FASN: variants seen among roughly 807,000 people sequenced by gnomAD.
The protein encoded by FASN is 3-hydroxyacyl-[acyl-carrier-protein] dehydratase.
Under a neutral mutation model 250.0 loss-of-function variants are expected in FASN, and 50 were observed. The observed-to-expected ratio is 0.20, with a 90% CI of 0.16 to 0.25. The LOEUF (loss-of-function observed/expected upper bound fraction) is 0.25. Among genes scored for constraint, FASN ranks in the 10% least tolerant of loss-of-function variants. FASN has a pLI of 1.00. For synonymous variants in FASN, 1,909 were observed against 1,584.0 expected, an observed-to-expected ratio of 1.21 and a Z score of -4.87; for missense variants, 3,031 against 3,498.5, an observed-to-expected ratio of 0.87 and a Z score of 3.37.
Position 82,093,385 on chromosome 17 carries a change from G to A in FASN, c.489C>T (p.Ser163=), listed in dbSNP as rs1381916178. 1.9e-6 allele frequency: 3 copies of A among 1,604,304 alleles called. No homozygotes were observed. The highest frequency in any genetic ancestry group is 1.1e-5 in the South Asian group (1 of 89,358). The change falls in exon 5 of 43, where the codon TCC becomes TCT. Residue 163 remains serine (S), a synonymous_variant. Coordinates refer to ENST00000306749, the MANE Select transcript of FASN (RefSeq NM_004104.5). ...AGGCGTTCTGCAGGGCCATCAGGCTGGAGGAGCAGGCTGTGTCCAGTGCGA... is the reference window on the plus strand; with the variant it reads ...AGGCGTTCTGCAGGGCCATCAGGCTAGAGGAGCAGGCTGTGTCCAGTGCGA... ...PSIALDTACS[S]SLMALQNAYQ...
At chr17:82,081,016 G>T in intron 38 of FASN, 94 bp from the exon 39 acceptor site, 1 of 1,393,608 alleles carries the variant, frequency 7.2e-7, no homozygotes, top group Non-Finnish European at 9.9e-7. Context: ...TCCCCACGGT[G>T]CTACGTCAGG....
chr17:82,085,552 T>G lies in FASN; in HGVS notation c.4052A>C (p.His1351Pro), dbSNP rs1598576993. 1 of 1,594,730 alleles carries G rather than the reference T, an allele frequency of 6.3e-7. No homozygotes were observed. The highest frequency in any genetic ancestry group is 8.5e-7 in the Non-Finnish European group (1 of 1,171,414). ...FLLLHTLLRG[H>P]PLGDIVAFLT... ...GAAGGCCACGATGTCCCCGAGGGGG[T>G]GCCCCCGGAGCAGTGTGTGCAGGAG... The change falls in exon 23 of 43, where the codon CAC (histidine) becomes CCC (proline). Residue 1351 changes from histidine to proline, a missense_variant. Physicochemically the swap from His to Pro is moderately conservative, Grantham distance 77 (BLOSUM62 -2). Coordinates refer to ENST00000306749, the MANE Select transcript of FASN (RefSeq NM_004104.5).
At chr17:82,097,966 C>T (rs1164924772) in intron 1 of FASN, among the ~76,000 whole-genome samples, 155 bp downstream of exon 1, 1 of 152,034 alleles carries the variant, frequency 6.6e-6, no homozygotes, top group Non-Finnish European at 1.5e-5. Context: ...GGCACGAACA[C>T]CGAGACCCGG....
rs2034213860 is a variant in FASN, at chr17:82,091,744, G to A, written c.1030-60C>T. ...ACTCCCTCTACCACTGCCTGAGCTG[G>A]GGGCAGGCACCTCCCCGAGACTCTC... is the stretch of plus-strand genomic sequence containing the variant. On this transcript the variant is annotated intron_variant, in intron 8 of 42. Transcript: ENST00000306749. The A allele has an allele frequency of 7.6e-6, 11 of 1,440,014 alleles. No individual in the cohort carries two copies. In the East Asian group the frequency reaches 2.7e-4, roughly 36 times the overall value. The allele number at this position is 1,440,014 out of a possible 1,614,324, so 89.2% of individuals were successfully genotyped here.
At chr17:82,095,873 C>G (rs934887234) in intron 2 of FASN, among the ~76,000 whole-genome samples, 2 of 152,246 alleles carry the variant, frequency 1.3e-5, no homozygotes, top group Non-Finnish European at 2.9e-5. Flanking sequence ...CGGAGCACAT[C>G]TGGTATGCAA....
rs1175851683 is a variant in FASN, at chr17:82,089,393, C to T, written c.1966-9G>A. Reference sequence around the variant, plus strand: ...AACTCAAACACCGGGGCCTGGACATCGTGGGAGCCTGGATAAGCATCCTGG... The same window carrying T: ...AACTCAAACACCGGGGCCTGGACATTGTGGGAGCCTGGATAAGCATCCTGG... On this transcript the variant is annotated splice_polypyrimidine_tract_variant and intron_variant, in intron 12 of 42. Transcript: ENST00000306749. 7 of 1,612,648 alleles carry T rather than the reference C, an allele frequency of 4.3e-6. No homozygotes were observed. The highest frequency in any genetic ancestry group is 3.3e-5 in the Admixed American group (2 of 60,004).
chr17:82,097,390 C>A (rs2034321730), intron 1 of FASN: 1 of 152,348 alleles, frequency 6.6e-6, no homozygotes, highest in Non-Finnish European at 1.5e-5. Context: ...CAGCGCTGGT[C>A]TGGCCACTTG....
rs374185580 is a variant in FASN, at chr17:82,085,629, C to T, written c.3975G>A (p.Pro1325=). 269 of 1,597,314 alleles carry T rather than the reference C, an allele frequency of 1.7e-4. No individual in the cohort carries two copies. Among genetic ancestry groups the T allele is most frequent in the African/African-American group, 4.4e-4 (33 of 74,536 alleles). The change falls in exon 23 of 43, where the codon CCG becomes CCA. Residue 1325 remains proline, a synonymous_variant. Transcript: ENST00000306749. ...CNCAVAALGD[P]ASALSNMVAA... The stretch of plus-strand genomic sequence containing the variant: ...CCACCATGTTGCTGAGAGCTGAGGC[C>T]GGGTCCCCGAGGGCAGCCACAGCAC...
Position 82,079,079 on chromosome 17 carries a change from G to A in FASN, c.*64C>T, listed in dbSNP as rs2033940478. The A allele has an allele frequency of 1.6e-5, 24 of 1,492,946 alleles. No homozygotes were observed. The highest frequency in any genetic ancestry group is 2.0e-5 in the Non-Finnish European group (22 of 1,110,082). The allele number at this position is 1,492,946 out of a possible 1,614,324, so 92.5% of individuals were successfully genotyped here. A position where few individuals can be genotyped will look rare whatever the true frequency, so the allele number is the denominator to read the frequency against. ...GGACCCTTCAATCCCGTTGCATGGCGGGGGTGGGGTGGGGTGGGGTGGGGA... is the reference window on the plus strand; with the variant it reads ...GGACCCTTCAATCCCGTTGCATGGCAGGGGTGGGGTGGGGTGGGGTGGGGA... On this transcript the variant is annotated 3_prime_UTR_variant, in exon 43 of 43. Transcript: ENST00000306749.
In FASN at chr17:82,090,413, T is replaced by C. The variant is rs560330518; in HGVS notation, c.1832A>G (p.Lys611Arg). 1.2e-6 allele frequency: 2 copies of C among 1,600,612 alleles called. No homozygotes were observed. The highest frequency in any genetic ancestry group is 2.2e-5 in the South Asian group (2 of 89,004). ...LAAYWRGQCI[K>R]EAHLPPGAMA... ...GGCGCCCGGCGGGAGATGGGCTTCT[T>C]TGATGCACTGTCCCCTCCAGTAGGC... The change falls in exon 11 of 43, where the codon AAA (lysine) becomes AGA (arginine). Residue 611 changes from lysine to arginine, a missense_variant. Coordinates refer to ENST00000306749, the MANE Select transcript of FASN (RefSeq NM_004104.5).
Position 82,093,674 on chromosome 17 carries a change from T to C in FASN, c.378A>G (p.Thr126=), listed in dbSNP as rs767487369. The change falls in exon 4 of 43, where the codon ACA becomes ACG. Residue 126 remains threonine (T), a synonymous_variant. Transcript: ENST00000306749. ...AGCCCACCATGCTGTAGCCCACGAG[T>C]GTCTCGGGGTCTCGGCTCAGGGCCT... ...TSEALSRDPE[T]LVGYSMVGCQ... 4 of 1,612,460 alleles carry C rather than the reference T, an allele frequency of 2.5e-6. No individual in the cohort carries two copies. In the South Asian group the frequency reaches 3.3e-5, roughly 13 times the overall value.
chr17:82,080,959 T>C, intron 38 of FASN, 37 bp from the exon 39 acceptor site: 1 of 1,549,612 alleles, frequency 6.5e-7, no homozygotes, highest in East Asian at 2.3e-5. Context: ...CTGGTCTGGG[T>C]GCAGAGCCCT....
chr17:82,090,931 C>G lies in FASN; in HGVS notation c.1631G>C (p.Ser544Thr). ...VSQLLLSTDESTFDDIVHSFV... is the reference protein window; with the variant it reads ...VSQLLLSTDETTFDDIVHSFV... ...CGAATGGACGATGTCATCAAAGGTG[C>G]TCTCGTCTGTGCTCAGCAGCAGCTG... is the stretch of plus-strand genomic sequence containing the variant. The change falls in exon 10 of 43, where the codon AGC (serine) becomes ACC (threonine). Residue 544 changes from serine to threonine, a missense_variant. By Grantham distance (58) the Ser-to-Thr change is moderately conservative. Coordinates refer to ENST00000306749, the MANE Select transcript of FASN (RefSeq NM_004104.5). The G allele has an allele frequency of 1.9e-6, 3 of 1,611,606 alleles. No homozygotes were observed. The highest frequency in any genetic ancestry group is 1.7e-6 in the Non-Finnish European group (2 of 1,179,412).
chr17:82,087,946 C>T lies in FASN; in HGVS notation c.2866+8G>A. The T allele has an allele frequency of 6.2e-7, 1 of 1,612,656 alleles. No homozygotes were observed. Among genetic ancestry groups the T allele is most frequent in the South Asian group, 1.1e-5 (1 of 91,086 alleles). The stretch of plus-strand genomic sequence containing the variant: ...CTCCGCAGCTCCCGTGCCACCGGCC[C>T]TGCTTACCACTCACTACCAGGTTGC... On this transcript the variant is annotated splice_region_variant and intron_variant, in intron 18 of 42. Coordinates refer to ENST00000306749, the MANE Select transcript of FASN (RefSeq NM_004104.5).
rs1167046026 is a variant in FASN, at chr17:82,091,301, A to C, written c.1413T>G (p.Ala471=). The C allele has an allele frequency of 5.0e-6, 8 of 1,610,346 alleles. No homozygotes were observed. Among genetic ancestry groups the C allele is most frequent in the Non-Finnish European group, 6.8e-6 (8 of 1,179,254 alleles). The change falls in exon 9 of 43, where the codon GCT becomes GCG. Residue 471 remains alanine, a synonymous_variant. Transcript: ENST00000306749. ...PATAMPFRGY[A]VLGGERGGPE... ...GGCCACCGCGCTCACCACCCAGCAC[A>C]GCGTAGCCACGGAAGGGCATGGCGG...
chr17:82,085,913 G>C (rs1415071817), intron 22 of FASN, 42 bp from the exon 23 acceptor site: 2 of 1,490,968 alleles, frequency 1.3e-6, no homozygotes, highest in African/African-American at 2.8e-5. Context: ...CACCAGGCAG[G>C]TGCCCCTGAC....
chr17:82,086,993 G>A, intron 21 of FASN, 57 bp downstream of exon 21: 1 of 1,574,414 alleles, frequency 6.4e-7, no homozygotes, highest in Admixed American at 1.7e-5. Flanking sequence ...AACGTGAGGG[G>A]AGGCGATCGC....
At chr17:82,080,332 C>T (rs767269232) in intron 40 of FASN, 38 bp downstream of exon 40, 21 of 1,608,716 alleles carry the variant, frequency 1.3e-5, no homozygotes, top group South Asian at 2.2e-5. Flanking sequence ...GGAGCCCAGA[C>T]GTTTGCCGTA....
chr17:82,081,075 G>A (rs924193084), intron 38 of FASN, 89 bp downstream of exon 38: 8 of 1,478,168 alleles, frequency 5.4e-6, no homozygotes, highest in African/African-American at 1.4e-5. Flanking sequence ...ACGAAGGGCG[G>A]TATGCCTGCC....
Sources: allele counts gnomAD v4.1 joint callset (sites outside exome capture counted in the v4.1 genomes callset), GRCh38; gene constraint gnomAD v4.1.1; transcripts MANE v1.5; gene names NCBI Gene and HGNC (gene_info 2026-07-23, HGNC 2026-07-21).